The following RAB11FIP4 variants were observed in gnomAD, a reference collection of about 807,000 sequenced individuals.
The protein encoded by RAB11FIP4 is rab11 family-interacting protein 4.
RAB11FIP4 carries 23 observed loss-of-function variants against 74.3 expected under a neutral mutation model. The observed-to-expected ratio is 0.31, with a 90% CI of 0.22 to 0.44. The LOEUF (loss-of-function observed/expected upper bound fraction) is 0.44. RAB11FIP4 is among the 20% of genes least tolerant of loss of function. RAB11FIP4 has a pLI of 1.00. For missense variants in RAB11FIP4, 630 were observed against 863.9 expected (o/e 0.73, Z 3.39); for synonymous variants, 360 against 359.9 (o/e 1.00, Z 0.00).
rs2151610281 is a variant in RAB11FIP4, at chr17:31,391,919, G to A, written c.67G>A (p.Glu23Lys). The change falls in exon 1 of 15, where the codon GAG (glutamate) becomes AAG (lysine). Residue 23 changes from glutamate to lysine, a missense_variant. By Grantham distance (56) the Glu-to-Lys change is moderately conservative. Coordinates refer to ENST00000621161, the MANE Select transcript of RAB11FIP4 (RefSeq NM_032932.6). Reference protein sequence around the residue: ...ALLRSVRRLREVFEVCGRDPD... With the variant: ...ALLRSVRRLRKVFEVCGRDPD... Reference sequence around the variant, plus strand: ...GCTGCGCTCCGTGCGCCGCCTGCGCGAGGTGTTCGAGGTGTGCGGCCGCGA... The same window carrying A: ...GCTGCGCTCCGTGCGCCGCCTGCGCAAGGTGTTCGAGGTGTGCGGCCGCGA... 7.4e-7 allele frequency: 1 copy of A among 1,356,846 alleles called. No homozygotes were observed. 84.1% of individuals were successfully genotyped at this position (1,356,846 alleles called of 1,614,324 possible).
chr17:31,505,525 TA>T (rs1262441769), intron 3 of RAB11FIP4, among the ~76,000 whole-genome samples: 1 of 88,816 alleles, frequency 1.1e-5, no homozygotes, highest in African/African-American at 4.7e-5. Flanking sequence ...AATTATATAT[TA>T]TATATAATTA....
intron 3 of RAB11FIP4, among the ~76,000 whole-genome samples, chr17:31,505,410 AATTATTATATATTAATATATAATT>A (rs1464314194): frequency 1.8e-5 from 2 of 110,152 alleles, no homozygotes; most frequent in Non-Finnish European, 3.4e-5. Flanking sequence ...AATATATAAT[AATTATTATATATTAATATATAATT>A]ATTATATAAT....
chr17:31,403,523 C>T (rs1399041959), intron 1 of RAB11FIP4, among the ~76,000 whole-genome samples: 2 of 152,056 alleles, frequency 1.3e-5, no homozygotes, highest in African/African-American at 4.8e-5. Flanking sequence ...GGGGTTTCAC[C>T]ATGTTGGCCA....
chr17:31,461,915 G>T (rs1393332781), intron 3 of RAB11FIP4, among the ~76,000 whole-genome samples: 1 of 152,104 alleles, frequency 6.6e-6, no homozygotes. Context: ...ACACACTTTT[G>T]TTGGTCACAG....
chr17:31,470,171 G>A (rs1014217054), intron 3 of RAB11FIP4, among the ~76,000 whole-genome samples: 6 of 152,134 alleles, frequency 3.9e-5, no homozygotes, highest in Non-Finnish European at 8.8e-5. Context: ...TCCTCTGCCT[G>A]CCACTATCAA....
chr17:31,403,698 G>A (rs1464953855), intron 1 of RAB11FIP4, among the ~76,000 whole-genome samples: 1 of 152,160 alleles, frequency 6.6e-6, no homozygotes, highest in Non-Finnish European at 1.5e-5. Flanking sequence ...CTTGTCCAGG[G>A]TCTTGAGTAA....
In RAB11FIP4 at chr17:31,402,805, T is replaced by C. The variant is rs574707594; in HGVS notation, c.159+10794T>C. 2.6e-5 allele frequency among the ~76,000 whole-genome samples: 4 copies of C among 151,700 alleles called. No individual in the cohort carries two copies. In the South Asian group the frequency reaches 8.3e-4, roughly 32 times the overall value. Reference sequence around the variant, plus strand: ...CCTGGCTAATTTTTTTTTTGTATTTTTAGTAGAGACGGGGTTTCACCGTGT... The same window carrying C: ...CCTGGCTAATTTTTTTTTTGTATTTCTAGTAGAGACGGGGTTTCACCGTGT... On this transcript the variant is annotated intron_variant, in intron 1 of 14. Coordinates refer to ENST00000621161, the MANE Select transcript of RAB11FIP4 (RefSeq NM_032932.6).
At chr17:31,466,602 T>C (rs2071688448) in intron 3 of RAB11FIP4, among the ~76,000 whole-genome samples, 1 of 152,172 alleles carries the variant, frequency 6.6e-6, no homozygotes, top group Non-Finnish European at 1.5e-5. Context: ...TCCCACATAG[T>C]TCCTGCCTGG....
intron 3 of RAB11FIP4, among the ~76,000 whole-genome samples, chr17:31,438,514 C>T (rs545442467): frequency 1.7e-4 from 26 of 152,056 alleles, no homozygotes; most frequent in Non-Finnish European, 3.4e-4. Flanking sequence ...CCTGCCTCCC[C>T]CTTCCATCAC....
chr17:31,410,207 G>A (rs1421476196), intron 1 of RAB11FIP4, among the ~76,000 whole-genome samples: 1 of 152,128 alleles, frequency 6.6e-6, no homozygotes, highest in Non-Finnish European at 1.5e-5. Flanking sequence ...ATTTAGAAGA[G>A]GAAGTTCTGC....
chr17:31,454,059 G>T (rs1170082447), intron 3 of RAB11FIP4, among the ~76,000 whole-genome samples: 2 of 152,052 alleles, frequency 1.3e-5, no homozygotes, highest in African/African-American at 4.8e-5. Flanking sequence ...CAGCCCCTGG[G>T]CATTCTCAAG....
chr17:31,448,732 G>C (rs2071494575), intron 3 of RAB11FIP4, among the ~76,000 whole-genome samples: 1 of 151,918 alleles, frequency 6.6e-6, no homozygotes, highest in South Asian at 2.1e-4. Flanking sequence ...CTTTGTCTGG[G>C]GCTGCCCTGA....
At chr17:31,505,636 A>AC (rs59580797) in intron 3 of RAB11FIP4, among the ~76,000 whole-genome samples, 3,762 of 97,440 alleles carry the variant, frequency 0.039, 429 homozygotes, top group African/African-American at 0.18. Context: ...ATTATATAAT[A>AC]ATAATTATAT....
chr17:31,505,628 TATATAATAATA>T (rs2072328135), intron 3 of RAB11FIP4, among the ~76,000 whole-genome samples: 2 of 59,848 alleles, frequency 3.3e-5, no homozygotes, highest in East Asian at 3.3e-4. Flanking sequence ...AATATATAAT[TATATAATAATA>T]ATTATATATA....
chr17:31,441,863 A>C (rs942725973), intron 3 of RAB11FIP4, among the ~76,000 whole-genome samples: 1 of 151,964 alleles, frequency 6.6e-6, no homozygotes, highest in African/African-American at 2.4e-5. Flanking sequence ...GTTTATTTAT[A>C]TGCTATTTTC....
rs2071812667 is a variant in RAB11FIP4 at position 31,478,126 on chromosome 17, G to A, written c.337-39525G>A. Among the ~76,000 whole-genome samples, 3 of 151,324 alleles carry A rather than the reference G, an allele frequency of 2.0e-5. No individual in the cohort carries two copies. The East Asian group carries it at 5.8e-4, about 29-fold the overall frequency. ...CCCTGCCTCAGCTTCCTGAGTAGCT[G>A]GGATTATAGGCGACCACCACCACAC... On this transcript the variant is annotated intron_variant, in intron 3 of 14. Transcript: ENST00000621161.
chr17:31,394,472 A>T (rs2151611476), intron 1 of RAB11FIP4, among the ~76,000 whole-genome samples: 1 of 152,140 alleles, frequency 6.6e-6, no homozygotes, highest in East Asian at 1.9e-4. Flanking sequence ...GTCACCTTTT[A>T]GTCTCTCTTA....
At chr17:31,429,486 C>T (rs534475636) in intron 1 of RAB11FIP4, among the ~76,000 whole-genome samples, 21 of 152,318 alleles carry the variant, frequency 1.4e-4, no homozygotes, top group African/African-American at 5.1e-4. Flanking sequence ...TCTGCCCAGC[C>T]AATGAGCTGC....
intron 3 of RAB11FIP4, among the ~76,000 whole-genome samples, chr17:31,514,761 C>T (rs528373237): frequency 1.1e-4 from 16 of 152,346 alleles, no homozygotes; most frequent in Non-Finnish European, 1.9e-4. Context: ...GGTCTCCCTC[C>T]TGCCTTGTTT....
Sources: gnomAD v4.1 joint callset for allele counts (sites outside exome capture counted in the v4.1 genomes callset) on GRCh38, gnomAD v4.1.1 for gene constraint, MANE v1.5 for transcripts, NCBI Gene and HGNC (gene_info 2026-07-23, HGNC 2026-07-21) for gene names.